The following NR2C2 variants were observed in gnomAD, a reference collection of about 807,000 sequenced individuals.
The protein encoded by NR2C2 is Nuclear hormone receptor TR4.
In NR2C2, 6 loss-of-function variants were observed where a neutral mutation model predicts 62.9. That is an observed-to-expected ratio of 0.10 (90% confidence interval 0.05 to 0.19). The LOEUF is 0.19. NR2C2 is among the 10% of genes least tolerant of loss of function. The pLI is 1.00. For synonymous variants in NR2C2, 272 were observed against 273.8 expected (o/e 0.99, Z 0.07); for missense variants, 479 against 762.7 (o/e 0.63, Z 4.38).
intron 10 of NR2C2, 71 bp from the exon 11 acceptor site, chr3:15,034,597 AGT>A (rs2042058932): frequency 1.3e-6 from 2 of 1,506,354 alleles, no homozygotes; most frequent in Admixed American, 3.6e-5. Flanking sequence ...GCTGGGACTT[AGT>A]GCCTGGATGC....
At chr3:14,996,693 C>G (rs1263042027) in intron 1 of NR2C2, among the ~76,000 whole-genome samples, 1 of 152,224 alleles carries the variant, frequency 6.6e-6, no homozygotes, top group East Asian at 1.9e-4. Flanking sequence ...GCCTCAGCCT[C>G]CCGAGTAGCT....
At chr3:14,961,148 G>A (rs2039677389) in intron 1 of NR2C2, among the ~76,000 whole-genome samples, 1 of 152,134 alleles carries the variant, frequency 6.6e-6, no homozygotes, top group African/African-American at 2.4e-5. Context: ...CAGGAGCCAG[G>A]TCTTTCATAT....
chr3:15,022,017 CAAT>C (rs1179150230), intron 5 of NR2C2, among the ~76,000 whole-genome samples: 2 of 152,312 alleles, frequency 1.3e-5, no homozygotes, highest in South Asian at 2.1e-4. Context: ...TCCTTTTTCT[CAAT>C]GATGAATATT....
At chr3:14,994,639 C>T (rs1008836357) in intron 1 of NR2C2, among the ~76,000 whole-genome samples, 10 of 151,304 alleles carry the variant, frequency 6.6e-5, no homozygotes, top group Non-Finnish European at 1.0e-4. Context: ...GGTGGGGTTT[C>T]ACCATGTTGG....
chr3:14,982,134 G>A lies in NR2C2; in HGVS notation c.-39-21742G>A, dbSNP rs538978735. On this transcript the variant is annotated intron_variant, in intron 1 of 13. Transcript: ENST00000425241. ...CAGGCTATAGTACAACGACAGGGTT[G>A]TAGCTCACTGCAGCCTCACTCTTGG... Among the ~76,000 whole-genome samples, 19 of 152,278 alleles carry A rather than the reference G, an allele frequency of 1.2e-4. No homozygotes were observed. The South Asian group carries it at 1.5e-3, about 12-fold the overall frequency.
At chr3:15,042,607 CAA>C (rs978590954) in intron 13 of NR2C2, 95 of 411,592 alleles carry the variant, frequency 2.3e-4, no homozygotes, top group African/African-American at 1.1e-3. Flanking sequence ...TTGGAATAAA[CAA>C]GAGTGAAGGG....
At chr3:14,973,627 ACTT>A (rs961930153) in intron 1 of NR2C2, among the ~76,000 whole-genome samples, 1 of 151,964 alleles carries the variant, frequency 6.6e-6, no homozygotes, top group African/African-American at 2.4e-5. Context: ...AAGGAGTCTG[ACTT>A]CTTTCTTTTG....
intron 3 of NR2C2, among the ~76,000 whole-genome samples, chr3:15,015,392 C>G (rs755173780): frequency 8.5e-5 from 13 of 152,202 alleles, no homozygotes; most frequent in Non-Finnish European, 1.9e-4. Flanking sequence ...TAGCAGGTTT[C>G]AAAGGTCATT....
chr3:15,042,048 GA>G (rs1187932497), intron 13 of NR2C2, among the ~76,000 whole-genome samples: 1 of 152,112 alleles, frequency 6.6e-6, no homozygotes, highest in Non-Finnish European at 1.5e-5. Flanking sequence ...CCCTGCTAAT[GA>G]AAAGGTAGGG....
In NR2C2 at chr3:15,033,926, G is replaced by A. The variant is rs935760680; in HGVS notation, c.1233-744G>A. Among the ~76,000 whole-genome samples, 5 of 152,136 alleles carry A rather than the reference G, an allele frequency of 3.3e-5. No homozygotes were observed. In the East Asian group the frequency reaches 9.6e-4, roughly 29 times the overall value. On this transcript the variant is annotated intron_variant, in intron 10 of 13. Coordinates refer to ENST00000425241, the MANE Select transcript of NR2C2 (RefSeq NM_001291694.2). ...GTAAAATACTAGATGTGCATCTGGGGCATTTGGGAATGACCCAGTGCAGTA... is the reference window on the plus strand; with the variant it reads ...GTAAAATACTAGATGTGCATCTGGGACATTTGGGAATGACCCAGTGCAGTA...
At chr3:14,952,574 T>A (rs1322959996) in intron 1 of NR2C2, among the ~76,000 whole-genome samples, 1 of 152,236 alleles carries the variant, frequency 6.6e-6, no homozygotes, top group African/African-American at 2.4e-5. Flanking sequence ...GTTTACCTCT[T>A]TTTACTTTAT....
At chr3:15,020,978 A>C (rs2041653510) in intron 5 of NR2C2, 46 bp downstream of exon 5, 3 of 1,546,622 alleles carry the variant, frequency 1.9e-6, no homozygotes, top group East Asian at 2.3e-5. Flanking sequence ...GTGGAGGGAG[A>C]CAGTAAATGA....
At chr3:15,042,808 T>C in intron 13 of NR2C2, 26 bp from the exon 14 acceptor site, 11 of 1,606,630 alleles carry the variant, frequency 6.8e-6, no homozygotes, top group Non-Finnish European at 9.4e-6. Flanking sequence ...AACAGTCTCC[T>C]TTTCTAATGA....
rs1350688119 is a variant in NR2C2 at position 15,034,783 on chromosome 3, A to G, written c.1346A>G (p.Asn449Ser). Reference sequence around the variant, plus strand: ...TCCACCATCCTGGCTGCCATTGTCAACCACCTGCAGAACAGCATCCAGGAA... The same window carrying G: ...TCCACCATCCTGGCTGCCATTGTCAGCCACCTGCAGAACAGCATCCAGGAA... The part of the protein sequence containing the change: ...SLSTILAAIV[N>S]HLQNSIQEDK... The change falls in exon 11 of 14, where the codon AAC becomes AGC. Residue 449 changes from asparagine to serine, a missense_variant. Transcript: ENST00000425241. 2 of 1,613,726 alleles carry G rather than the reference A, an allele frequency of 1.2e-6. No individual in the cohort carries two copies. Among genetic ancestry groups the G allele is most frequent in the Non-Finnish European group, 1.7e-6 (2 of 1,179,832 alleles).
At chr3:14,952,199 G>A (rs775338053) in intron 1 of NR2C2, among the ~76,000 whole-genome samples, 6 of 152,222 alleles carry the variant, frequency 3.9e-5, no homozygotes, top group Non-Finnish European at 7.3e-5. Flanking sequence ...CAAACAGGGA[G>A]GTGGGAGCCA....
chr3:15,005,368 C>CTTTT (rs761731325), intron 2 of NR2C2, among the ~76,000 whole-genome samples: 11 of 83,038 alleles, frequency 1.3e-4, no homozygotes, highest in African/African-American at 3.3e-4. Context: ...ACGCATAATG[C>CTTTT]TTTTTTTTTT....
chr3:14,949,277 T>G (rs565411966), intron 1 of NR2C2, among the ~76,000 whole-genome samples: 1 of 152,252 alleles, frequency 6.6e-6, no homozygotes, highest in African/African-American at 2.4e-5. Context: ...GGCGTTAATT[T>G]AGATGGAATG....
chr3:15,028,977 T>A (rs553012303), intron 8 of NR2C2, among the ~76,000 whole-genome samples: 1 of 152,184 alleles, frequency 6.6e-6, no homozygotes, highest in Non-Finnish European at 1.5e-5. Context: ...TCAGTAGACA[T>A]AGGAGGAAAA....
At chr3:15,025,911 C>T (rs746522942) in intron 7 of NR2C2, 2 of 152,194 alleles carry the variant, frequency 1.3e-5, no homozygotes, top group Admixed American at 6.5e-5. Context: ...TTAATCATTT[C>T]TGTTTATGAC....
Sources: allele counts gnomAD v4.1 joint callset (sites outside exome capture counted in the v4.1 genomes callset), GRCh38; gene constraint gnomAD v4.1.1; transcripts MANE v1.5; gene names NCBI Gene and HGNC (gene_info 2026-07-23, HGNC 2026-07-21).